SLC51B: variants seen among roughly 807,000 people sequenced by gnomAD.
The protein encoded by SLC51B is organic solute transporter subunit beta.
SLC51B carries 6 observed loss-of-function variants against 8.0 expected under a neutral mutation model. That is an observed-to-expected ratio of 0.75 (90% CI 0.41 to 1.48). SLC51B has a LOEUF of 1.48. Among genes scored for constraint, SLC51B ranks in the 40% most tolerant of loss-of-function variants. The probability of loss-of-function intolerance (pLI) is 0.01; values close to 1 mark genes in which losing one functional copy is unlikely to be tolerated. For synonymous variants in SLC51B, 61 were observed against 54.8 expected (o/e 1.11, Z -0.50); for missense variants, 150 against 149.7 (o/e 1.00, Z -0.01).
chr15:65,050,614 T>C (rs2086637111), intron 2 of SLC51B, among the ~76,000 whole-genome samples: 1 of 152,102 alleles, frequency 6.6e-6, no homozygotes, highest in Admixed American at 6.5e-5. Context: ...AAGGAAATAA[T>C]TAGGTATGCA....
intron 1 of SLC51B, among the ~76,000 whole-genome samples, chr15:65,045,787 C>A (rs1158533723): frequency 6.6e-6 from 1 of 152,244 alleles, no homozygotes; most frequent in East Asian, 1.9e-4. Flanking sequence ...TAACAAAATG[C>A]AAATAAGGCA....
intron 1 of SLC51B, among the ~76,000 whole-genome samples, chr15:65,046,937 C>G (rs1447245567): frequency 6.6e-6 from 1 of 151,700 alleles, no homozygotes; most frequent in South Asian, 2.1e-4. Context: ...AAAAAAACAC[C>G]ACTCCACTGT....
chr15:65,046,456 G>A (rs1258615738), intron 1 of SLC51B, among the ~76,000 whole-genome samples: 1 of 151,604 alleles, frequency 6.6e-6, no homozygotes, highest in Non-Finnish European at 1.5e-5. Flanking sequence ...GGCAAAAAGA[G>A]TGAAACTCTG....
chr15:65,047,944 C>T (rs1299003831), intron 1 of SLC51B, among the ~76,000 whole-genome samples: 12 of 152,000 alleles, frequency 7.9e-5, no homozygotes, highest in Non-Finnish European at 1.5e-4. Context: ...TTTGGGAGGC[C>T]GAGGCGAGTG....
chr15:65,049,339 A>G (rs766166983), intron 1 of SLC51B: 6 of 143,560 alleles, frequency 4.2e-5, no homozygotes, highest in African/African-American at 5.1e-5. Context: ...AAAAAAAAAG[A>G]AAAAGAAAAA....
Position 65,052,998 on chromosome 15 carries a change from C to T in SLC51B, c.221C>T (p.Thr74Ile), listed in dbSNP as rs765197466. 5 of 1,613,404 alleles carry T rather than the reference C, an allele frequency of 3.1e-6. No homozygotes were observed. In the South Asian group the frequency reaches 4.4e-5, roughly 14 times the overall value. The change falls in exon 4 of 4, where the codon ACT becomes ATT. Residue 74 changes from threonine (T) to isoleucine (I), a missense_variant. By Grantham distance (89) the Thr-to-Ile change is moderately conservative. Transcript: ENST00000334287. ...AAGATGCAGCCACCAGAAAAAGAAACTCCAGAAGTCCTGCATTTGGATGAG... is the reference window on the plus strand; with the variant it reads ...AAGATGCAGCCACCAGAAAAAGAAATTCCAGAAGTCCTGCATTTGGATGAG... ...KEKMQPPEKE[T>I]PEVLHLDEAK... is the part of the protein sequence containing the mutation.
intron 1 of SLC51B, among the ~76,000 whole-genome samples, chr15:65,048,716 ATG>A (rs1595899268): frequency 1.3e-5 from 2 of 152,268 alleles, no homozygotes; most frequent in East Asian, 3.9e-4. Flanking sequence ...TTTTAAAAAA[ATG>A]TGTTATTGGG....
At chr15:65,052,226 G>A (rs2086662647) in intron 3 of SLC51B, among the ~76,000 whole-genome samples, 2 of 152,140 alleles carry the variant, frequency 1.3e-5, no homozygotes, top group Non-Finnish European at 2.9e-5. Flanking sequence ...TAGAGGCAGA[G>A]AGATTAGTTA....
At chr15:65,048,198 A>C (rs943448879) in intron 1 of SLC51B, among the ~76,000 whole-genome samples, 4 of 119,266 alleles carry the variant, frequency 3.4e-5, no homozygotes, top group Non-Finnish European at 5.5e-5. Context: ...AAAAAAAGAA[A>C]AAAAAAAAAG....
rs142525766 is a variant in SLC51B at position 65,046,021 on chromosome 15, C to T, written c.-109+439C>T. Among the ~76,000 whole-genome samples the T allele has an allele frequency of 3.8e-3, 583 of 152,258 alleles. 2 individuals are homozygous for T. Among genetic ancestry groups the T allele is most frequent in the Admixed American group, 0.011 (168 of 15,278 alleles). Reference sequence around the variant, plus strand: ...TCTCTACTAAAAATACAAAATTGGCCGGGTGCGGTGGCTCATGCCTGTAAT... The same window carrying T: ...TCTCTACTAAAAATACAAAATTGGCTGGGTGCGGTGGCTCATGCCTGTAAT... On this transcript the variant is annotated intron_variant, in intron 1 of 3. Coordinates refer to ENST00000334287, the MANE Select transcript of SLC51B (RefSeq NM_178859.4).
In SLC51B at chr15:65,053,218, C is replaced by T. The variant is rs2086679065; in HGVS notation, c.*54C>T. 1.1e-5 allele frequency: 17 copies of T among 1,592,278 alleles called. No individual in the cohort carries two copies. The highest frequency in any genetic ancestry group is 1.5e-5 in the Non-Finnish European group (17 of 1,170,854). Reference sequence around the variant, plus strand: ...CCAGACACATGATGTGGGCTCAGCTCAGTGGCCTGAAACCTCTCAGGTTTT... The same window carrying T: ...CCAGACACATGATGTGGGCTCAGCTTAGTGGCCTGAAACCTCTCAGGTTTT... On this transcript the variant is annotated 3_prime_UTR_variant, in exon 4 of 4. Transcript: ENST00000334287.
At chr15:65,051,671 G>A in intron 3 of SLC51B, 66 bp downstream of exon 3, 2 of 1,475,120 alleles carry the variant, frequency 1.4e-6, no homozygotes, top group Non-Finnish European at 1.9e-6. Context: ...TTCCCAGAGG[G>A]AAATCTAGAG....
At position 65,049,974 on chromosome 15, in the gene SLC51B, C is replaced by T. The variant is rs2086627514; in HGVS notation, c.-31C>T. 2.0e-6 allele frequency: 3 copies of T among 1,534,584 alleles called. No individual in the cohort carries two copies. Among genetic ancestry groups the T allele is most frequent in the Admixed American group, 4.0e-5 (2 of 50,384 alleles). Reference sequence around the variant, plus strand: ...CTGCTGGGGCTAAGGGGTCTAAGGACCTCGTTGCACACGCTACCAGGAGCA... The same window carrying T: ...CTGCTGGGGCTAAGGGGTCTAAGGATCTCGTTGCACACGCTACCAGGAGCA... On this transcript the variant is annotated 5_prime_UTR_variant, in exon 2 of 4. Transcript: ENST00000334287.
intron 1 of SLC51B, among the ~76,000 whole-genome samples, chr15:65,047,958 T>C (rs1263224534): frequency 2.0e-5 from 3 of 152,020 alleles, no homozygotes; most frequent in Non-Finnish European, 4.4e-5. Context: ...GCGAGTGGAT[T>C]ACCTGATGTC....
At chr15:65,052,932 C>A in intron 3 of SLC51B, 34 bp from the exon 4 acceptor site, 4 of 1,170,730 alleles carry the variant, frequency 3.4e-6, no homozygotes, top group African/African-American at 1.6e-5. Context: ...AACCACTCAG[C>A]CCCCCTCATT....
intron 1 of SLC51B, among the ~76,000 whole-genome samples, chr15:65,047,822 T>C (rs2086597146): frequency 6.6e-6 from 1 of 151,730 alleles, no homozygotes; most frequent in Non-Finnish European, 1.5e-5. Context: ...GATAGATAGA[T>C]AGATAGATAG....
intron 1 of SLC51B, among the ~76,000 whole-genome samples, chr15:65,046,882 C>T (rs2086583682): frequency 6.6e-6 from 1 of 151,886 alleles, no homozygotes; most frequent in Admixed American, 6.6e-5. Context: ...CATTGCACTC[C>T]AGCCTGGGTG....
intron 1 of SLC51B, among the ~76,000 whole-genome samples, chr15:65,046,615 A>G (rs1479160359): frequency 6.6e-6 from 1 of 152,044 alleles, no homozygotes; most frequent in East Asian, 1.9e-4. Context: ...TATTAAACAT[A>G]TTTTAAACAT....
chr15:65,047,275 G>T (rs1050946195), intron 1 of SLC51B, among the ~76,000 whole-genome samples: 2 of 151,538 alleles, frequency 1.3e-5, no homozygotes, highest in Admixed American at 1.3e-4. Context: ...GGCGGTGGTT[G>T]CAGTGAGCCG....
Sources: gnomAD v4.1 joint callset for allele counts (sites outside exome capture counted in the v4.1 genomes callset) on GRCh38, gnomAD v4.1.1 for gene constraint, MANE v1.5 for transcripts, NCBI Gene and HGNC (gene_info 2026-07-23, HGNC 2026-07-21) for gene names.